The following XDH variants were observed in gnomAD, a reference collection of about 807,000 sequenced individuals.
XDH encodes xanthine dehydrogenase/oxidase.
Under a neutral mutation model 156.1 loss-of-function variants are expected in XDH, and 138 were observed. The observed-to-expected ratio is 0.88, with a 90% CI of 0.77 to 1.02. XDH has a LOEUF of 1.02. Ranked by LOEUF, XDH falls within the 50% of genes least tolerant of loss-of-function variation. The pLI is 0.00. For synonymous variants in XDH, 669 were observed against 625.7 expected (o/e 1.07, Z -1.03); for missense variants, 1,849 against 1,684.9 (o/e 1.10, Z -1.71).
chr2:31,341,029 A>C (rs571782240), intron 33 of XDH, among the ~76,000 whole-genome samples: 3 of 152,286 alleles, frequency 2.0e-5, no homozygotes, highest in Non-Finnish European at 4.4e-5. Context: ...CGTTGTGCTC[A>C]CACTCAAATT....
chr2:31,411,272 C>A (rs1687336130), intron 1 of XDH, among the ~76,000 whole-genome samples: 1 of 148,532 alleles, frequency 6.7e-6, no homozygotes, highest in Non-Finnish European at 1.5e-5. Flanking sequence ...CACAGTGAAA[C>A]CCTGTCTCAG....
intron 24 of XDH, among the ~76,000 whole-genome samples, chr2:31,358,603 T>C (rs1023179060): frequency 2.0e-5 from 3 of 152,072 alleles, no homozygotes; most frequent in South Asian, 2.1e-4. Flanking sequence ...GTTCAGTGTT[T>C]AAAAAAATCA....
intron 11 of XDH, 90 bp downstream of exon 11, chr2:31,382,911 C>T (rs1401705779): frequency 6.3e-7 from 1 of 1,587,696 alleles, no homozygotes; most frequent in East Asian, 2.3e-5. Flanking sequence ...GTTTGAGGCC[C>T]ACTGCACTGA....
intron 2 of XDH, among the ~76,000 whole-genome samples, chr2:31,403,442 G>C (rs1687115413): frequency 6.6e-6 from 1 of 152,182 alleles, no homozygotes; most frequent in Non-Finnish European, 1.5e-5. Context: ...CAGTCCTAGA[G>C]CCTTCTCTTG....
chr2:31,359,656 CAG>C (rs1685721812), intron 24 of XDH, among the ~76,000 whole-genome samples: 1 of 152,102 alleles, frequency 6.6e-6, no homozygotes, highest in Non-Finnish European at 1.5e-5. Context: ...TTCACAATGA[CAG>C]AGTGAGATTT....
At chr2:31,378,107 A>AAAGAAATAAAGAAAGG (rs1686309264) in intron 13 of XDH, among the ~76,000 whole-genome samples, 1 of 54,472 alleles carries the variant, frequency 1.8e-5, no homozygotes, top group Non-Finnish European at 3.6e-5. Flanking sequence ...AGAAAGAAAG[A>AAAGAAATAAAGAAAGG]AAGGAAGGAA....
At chr2:31,357,924 G>A (rs934494076) in intron 24 of XDH, among the ~76,000 whole-genome samples, 2 of 151,726 alleles carry the variant, frequency 1.3e-5, no homozygotes, top group African/African-American at 4.8e-5. Flanking sequence ...GTATGAGATA[G>A]ATAATTTGAA....
chr2:31,356,804 T>A (rs958520686), intron 24 of XDH, among the ~76,000 whole-genome samples: 1 of 152,206 alleles, frequency 6.6e-6, no homozygotes, highest in Non-Finnish European at 1.5e-5. Context: ...GTGGAACTTG[T>A]ATCAAAACAG....
intron 34 of XDH, 57 bp from the exon 35 acceptor site, chr2:31,337,874 C>G: frequency 6.3e-7 from 1 of 1,584,014 alleles, no homozygotes; most frequent in Non-Finnish European, 8.6e-7. Flanking sequence ...GCCTCCACAT[C>G]ATCAAGTGGA....
intron 15 of XDH, among the ~76,000 whole-genome samples, chr2:31,374,339 A>C (rs2148773828): frequency 6.6e-6 from 1 of 152,340 alleles, no homozygotes; most frequent in South Asian, 2.1e-4. Context: ...TTCACAATAT[A>C]ATCCCAATGG....
At chr2:31,365,918 C>G (rs1344425159) in intron 22 of XDH, 58 bp downstream of exon 22, 1 of 1,613,160 alleles carries the variant, frequency 6.2e-7, no homozygotes, top group Non-Finnish European at 8.5e-7. Context: ...CTTCCTGGCA[C>G]AGACAGCCTT....
chr2:31,349,809 T>C lies in XDH; in HGVS notation c.2846A>G (p.Lys949Arg), dbSNP rs1685412283. ...AEEVRRKNLY[K>R]EGDLTHFNQK... ...GTTGAAGTGTGTCAGGTCCCCTTCT[T>C]TGTACAGGTTTTTTCTCCGCACCTT... is the stretch of plus-strand genomic sequence containing the variant. The change falls in exon 26 of 36, where the codon AAA (lysine) becomes AGA (arginine). Residue 949 changes from lysine (K) to arginine (R), a missense_variant. Lys to Arg is a conservative substitution (Grantham distance 26, BLOSUM62 2). Transcript: ENST00000379416. 1 of 1,614,086 alleles carries C rather than the reference T, an allele frequency of 6.2e-7. No individual in the cohort carries two copies. Among genetic ancestry groups the C allele is most frequent in the South Asian group, 1.1e-5 (1 of 91,064 alleles).
rs756147301 is a variant in XDH, at chr2:31,346,801, T to A, written c.3319A>T (p.Lys1107Ter). The A allele has an allele frequency of 3.1e-6, 5 of 1,613,992 alleles. No homozygotes were observed. Among genetic ancestry groups the A allele is most frequent in the East Asian group, 4.5e-5 (2 of 44,882 alleles). Reference sequence around the variant, plus strand: ...TCCCAGGAGCCACTGGGATTCTTCTTCTTGTAGGGTTCCAGCCTTTTCAAG... The same window carrying A: ...TCCCAGGAGCCACTGGGATTCTTCTACTTGTAGGGTTCCAGCCTTTTCAAG... ...TILKRLEPYK[K>*]KNPSGSWEDW... The change falls in exon 30 of 36, where the codon AAG becomes TAG. Residue 1107 changes from lysine (K) to a stop codon, truncating the protein, a stop_gained. Coordinates refer to ENST00000379416, the MANE Select transcript of XDH (RefSeq NM_000379.4). LOFTEE classifies it high-confidence loss of function.
At chr2:31,360,734 G>A (rs1572527083) in intron 24 of XDH, among the ~76,000 whole-genome samples, 1 of 152,304 alleles carries the variant, frequency 6.6e-6, no homozygotes, top group East Asian at 1.9e-4. Flanking sequence ...TTCTTGGAAT[G>A]TATCTCCTCC....
intron 5 of XDH, among the ~76,000 whole-genome samples, chr2:31,398,316 C>G (rs1030809430): frequency 1.3e-5 from 2 of 152,206 alleles, no homozygotes; most frequent in South Asian, 4.1e-4. Context: ...CACTCCAATA[C>G]TGGTGGAAGG....
intron 1 of XDH, among the ~76,000 whole-genome samples, chr2:31,409,840 C>T (rs564818519): frequency 6.6e-6 from 1 of 152,130 alleles, no homozygotes; most frequent in South Asian, 2.1e-4. Context: ...GACAGTTCCA[C>T]AAAAAAGTAA....
chr2:31,410,092 T>C (rs367690552), intron 1 of XDH, among the ~76,000 whole-genome samples: 154 of 152,258 alleles, frequency 1.0e-3, no homozygotes, highest in South Asian at 9.1e-3. Context: ...TGCTACAACA[T>C]AGGTGAACAT....
At chr2:31,369,318 AT>A (rs1378621393) in intron 18 of XDH, among the ~76,000 whole-genome samples, 1 of 152,196 alleles carries the variant, frequency 6.6e-6, no homozygotes, top group Non-Finnish European at 1.5e-5. Flanking sequence ...ACCCATAAAA[AT>A]ATTTTTAAAA....
At chr2:31,408,581 C>A (rs928105626) in intron 1 of XDH, among the ~76,000 whole-genome samples, 18 of 152,128 alleles carry the variant, frequency 1.2e-4, no homozygotes, top group African/African-American at 4.1e-4. Flanking sequence ...AGTCAACAAA[C>A]AAACAAATGG....
Sources: gnomAD v4.1 joint callset for allele counts (sites outside exome capture counted in the v4.1 genomes callset) on GRCh38, gnomAD v4.1.1 for gene constraint, MANE v1.5 for transcripts, NCBI Gene and HGNC (gene_info 2026-07-23, HGNC 2026-07-21) for gene names.